SLCO6A1: variants seen among roughly 807,000 people sequenced by gnomAD.
SLCO6A1 encodes the protein solute carrier organic anion transporter family member 6A1.
A neutral mutation model predicts 72.7 loss-of-function variants in SLCO6A1; 65 were observed. The observed-to-expected ratio is 0.89, with a 90% CI of 0.73 to 1.10. The LOEUF is 1.10. Ranked by LOEUF, SLCO6A1 falls within the 50% of genes least tolerant of loss-of-function variation. The pLI, the probability that SLCO6A1 is intolerant of heterozygous loss-of-function variation, is 0.00. For missense variants in SLCO6A1, 874 were observed against 872.6 expected, an observed-to-expected ratio of 1.00 and a Z score of -0.02; for synonymous variants, 314 against 298.2, an observed-to-expected ratio of 1.05 and a Z score of -0.55.
rs772579668 is a variant in SLCO6A1 at position 102,480,249 on chromosome 5, CT to C, written c.543del (p.Ile181MetfsTer22). On this transcript the variant is annotated frameshift_variant, in exon 2 of 14. Transcript: ENST00000506729. LOFTEE classifies it high-confidence loss of function. The stretch of plus-strand genomic sequence containing the variant: ...AAAGCACATAAAAGTGATCCAAGTC[CT>C]ATTAAAAAGGAGGAAGCTACAAACC... ...VIWFVASSFL[I>X]GLGSLLCAFP... 8 of 1,612,866 alleles carry C rather than the reference CT, an allele frequency of 5.0e-6. No homozygotes were observed. Among genetic ancestry groups the C allele is most frequent in the Admixed American group, 1.7e-5 (1 of 59,894 alleles).
chr5:102,443,507 G>T (rs986470938), intron 6 of SLCO6A1, among the ~76,000 whole-genome samples: 1 of 152,110 alleles, frequency 6.6e-6, no homozygotes, highest in African/African-American at 2.4e-5. Context: ...ACTGGACATT[G>T]TTCTCAAATT....
chr5:102,460,890 C>T (rs10063907), intron 4 of SLCO6A1, among the ~76,000 whole-genome samples: 95,230 of 139,440 alleles, frequency 0.68, 32,230 homozygotes, highest in African/African-American at 0.7. Flanking sequence ...TGTCATTACC[C>T]ACTTATCTCA....
chr5:102,426,327 T>A (rs1220416069), intron 7 of SLCO6A1, among the ~76,000 whole-genome samples: 1 of 152,040 alleles, frequency 6.6e-6, no homozygotes, highest in African/African-American at 2.4e-5. Context: ...TCAGAGTGAA[T>A]GGGCAACCTA....
intron 4 of SLCO6A1, among the ~76,000 whole-genome samples, chr5:102,466,664 C>T (rs1320357223): frequency 6.6e-6 from 1 of 151,892 alleles, no homozygotes; most frequent in Non-Finnish European, 1.5e-5. Flanking sequence ...TTCCTTTTCT[C>T]CACAGCCTCA....
chr5:102,394,816 T>C (rs1266298434), intron 10 of SLCO6A1, among the ~76,000 whole-genome samples: 1 of 152,028 alleles, frequency 6.6e-6, no homozygotes, highest in Non-Finnish European at 1.5e-5. Flanking sequence ...ACACTGAAAG[T>C]ATAAAAAAGA....
intron 7 of SLCO6A1, among the ~76,000 whole-genome samples, chr5:102,434,442 C>A (rs1485012329): frequency 6.6e-6 from 1 of 152,216 alleles, no homozygotes; most frequent in East Asian, 1.9e-4. Context: ...CTTTTCACAT[C>A]ACCCTTTGGA....
intron 6 of SLCO6A1, among the ~76,000 whole-genome samples, chr5:102,440,132 A>G (rs1749752742): frequency 6.6e-6 from 1 of 152,188 alleles, no homozygotes; most frequent in South Asian, 2.1e-4. Context: ...ATGTATGGGT[A>G]TTCTAGCAAA....
chr5:102,387,326 GTT>G lies in SLCO6A1; in HGVS notation c.2017+1360_2017+1361del, dbSNP rs772725631. On this transcript the variant is annotated intron_variant, in intron 12 of 13. Transcript: ENST00000506729. ...TTTCTATTTGACTATAATTATTTAT[GTT>G]TTTAATTATTCGTATCTCCTTTCAA... 1.8e-4 allele frequency among the ~76,000 whole-genome samples: 27 copies of G among 152,222 alleles called. No individual in the cohort carries two copies. The East Asian group carries it at 5.0e-3, about 28-fold the overall frequency.
intron 9 of SLCO6A1, among the ~76,000 whole-genome samples, chr5:102,403,098 T>C (rs1482615738): frequency 1.3e-5 from 2 of 152,188 alleles, no homozygotes; most frequent in African/African-American, 4.8e-5. Context: ...ATAGAAATAT[T>C]AATGTTTGAT....
At chr5:102,466,389 G>A (rs1051602667) in intron 4 of SLCO6A1, among the ~76,000 whole-genome samples, 1 of 151,938 alleles carries the variant, frequency 6.6e-6, no homozygotes, top group Non-Finnish European at 1.5e-5. Flanking sequence ...GTATTCCCTG[G>A]TGTATATTTA....
At chr5:102,497,151 T>C (rs1290295545) in intron 1 of SLCO6A1, among the ~76,000 whole-genome samples, 1 of 152,126 alleles carries the variant, frequency 6.6e-6, no homozygotes, top group African/African-American at 2.4e-5. Context: ...AGAATCTTGA[T>C]GTAATAGGGG....
chr5:102,420,143 C>G, intron 7 of SLCO6A1, 122 bp from the exon 8 acceptor site: 1 of 857,054 alleles, frequency 1.2e-6, no homozygotes, highest in Non-Finnish European at 1.7e-6. Flanking sequence ...AACTAAAAGA[C>G]AGAAAATGTA....
intron 1 of SLCO6A1, among the ~76,000 whole-genome samples, chr5:102,485,539 C>G (rs1345706442): frequency 6.6e-6 from 1 of 152,084 alleles, no homozygotes; most frequent in Non-Finnish European, 1.5e-5. Flanking sequence ...TTTTGCATGC[C>G]TACATGACTG....
At chr5:102,450,012 C>G (rs968743373) in intron 6 of SLCO6A1, among the ~76,000 whole-genome samples, 3 of 152,166 alleles carry the variant, frequency 2.0e-5, no homozygotes, top group Non-Finnish European at 4.4e-5. Context: ...AAAATGGCTA[C>G]TTAAGCTTTC....
At chr5:102,475,602 A>G (rs1204740228) in intron 4 of SLCO6A1, 95 bp downstream of exon 4, 2 of 728,776 alleles carry the variant, frequency 2.7e-6, no homozygotes, top group Non-Finnish European at 2.1e-6. Context: ...TATGGTTATT[A>G]CAAATTAAAT....
chr5:102,408,595 A>T (rs1055541168), intron 9 of SLCO6A1, among the ~76,000 whole-genome samples: 3 of 152,090 alleles, frequency 2.0e-5, no homozygotes, highest in African/African-American at 4.8e-5. Context: ...TGGTGGGGGG[A>T]ATGAGGAGTA....
intron 9 of SLCO6A1, among the ~76,000 whole-genome samples, chr5:102,406,806 G>A (rs985113935): frequency 4.6e-5 from 7 of 152,066 alleles, no homozygotes; most frequent in African/African-American, 7.2e-5. Flanking sequence ...TCAGAAAATG[G>A]GTTTAACAGC....
intron 6 of SLCO6A1, among the ~76,000 whole-genome samples, chr5:102,452,819 A>G (rs532806910): frequency 2.7e-4 from 41 of 152,292 alleles, no homozygotes; most frequent in African/African-American, 7.9e-4. Context: ...CTCCCAATCA[A>G]TAAGTCTTAT....
At chr5:102,408,559 A>C (rs1489539014) in intron 9 of SLCO6A1, among the ~76,000 whole-genome samples, 2 of 152,146 alleles carry the variant, frequency 1.3e-5, no homozygotes, top group African/African-American at 4.8e-5. Flanking sequence ...AACAGAAGGC[A>C]ACATATGATA....
Sources: gnomAD v4.1 joint callset for allele counts (sites outside exome capture counted in the v4.1 genomes callset) on GRCh38, gnomAD v4.1.1 for gene constraint, MANE v1.5 for transcripts, NCBI Gene and HGNC (gene_info 2026-07-23, HGNC 2026-07-21) for gene names.